Variants in CLDN14 observed in about 807,000 individuals in gnomAD.
CLDN14 encodes the protein claudin-14.
CLDN14 carries 2 observed loss-of-function variants against 2.1 expected under a neutral mutation model. The ratio of observed to expected loss-of-function variants is 0.96; its 90% confidence interval spans 0.39 to 3.01. CLDN14 has a LOEUF of 3.01. Ranked by LOEUF, CLDN14 falls within the 30% of genes most tolerant of loss-of-function variation. The probability of loss-of-function intolerance (pLI) is 0.09; values close to 1 mark genes in which losing one functional copy is unlikely to be tolerated. For synonymous variants in CLDN14, 136 were observed against 154.4 expected (o/e 0.88, Z 0.88); for missense variants, 298 against 328.0 (o/e 0.91, Z 0.71).
intron 1 of CLDN14, among the ~76,000 whole-genome samples, chr21:36,559,739 TA>T (rs1464458274): frequency 6.6e-6 from 1 of 152,244 alleles, no homozygotes; most frequent in East Asian, 1.9e-4. Flanking sequence ...TAACTGCATT[TA>T]AAAACTAAAA....
chr21:36,464,052 A>C (rs1601590847), intron 1 of CLDN14, among the ~76,000 whole-genome samples: 1 of 152,206 alleles, frequency 6.6e-6, no homozygotes, highest in East Asian at 1.9e-4. Flanking sequence ...GTGTTGGAGG[A>C]AGGGCCTGGT....
At position 36,529,819 on chromosome 21, in the gene CLDN14, T is replaced by C. The variant is rs548004090; in HGVS notation, c.-219-19319A>G. Among the ~76,000 whole-genome samples, 10 of 152,366 alleles carry C rather than the reference T, an allele frequency of 6.6e-5. No individual in the cohort carries two copies. In the South Asian group the frequency reaches 1.5e-3, roughly 22 times the overall value. On this transcript the variant is annotated intron_variant, in intron 1 of 2. Coordinates refer to the CLDN14 transcript ENST00000342108. ...TATTTGTTAGTCTAAAAATTAATTG[T>C]TACCTGACATATAAAATAAATGTCA...
intron 1 of CLDN14, among the ~76,000 whole-genome samples, chr21:36,550,357 T>G (rs1287134290): frequency 6.6e-6 from 1 of 152,086 alleles, no homozygotes; most frequent in African/African-American, 2.4e-5. Context: ...TTGGCTCCTC[T>G]CCCCCTGACC....
chr21:36,488,591 T>C (rs1299896996), intron 2 of CLDN14, among the ~76,000 whole-genome samples: 5 of 139,724 alleles, frequency 3.6e-5, no homozygotes, highest in Admixed American at 1.5e-4. Context: ...TTTTATGAGA[T>C]ACCTAGTATA....
intron 2 of CLDN14, chr21:36,486,331 C>T (rs772117469): frequency 1.1e-5 from 9 of 826,346 alleles, no homozygotes; most frequent in Non-Finnish European, 1.7e-5. Flanking sequence ...AGCAGGACCT[C>T]GTCTGAGCCT....
chr21:36,537,651 C>CTTTTTTTTTTTTTTTTTTTTTTTTTTTT, intron 1 of CLDN14, among the ~76,000 whole-genome samples: 1 of 143,606 alleles, frequency 7.0e-6, no homozygotes, highest in Non-Finnish European at 1.5e-5. Context: ...TTTTTCTTTT[C>CTTTTTTTTTTTTTTTTTTTTTTTTTTTT]TTTTCTTTTT....
At chr21:36,540,974 G>C (rs1361878503) in intron 1 of CLDN14, among the ~76,000 whole-genome samples, 1 of 152,188 alleles carries the variant, frequency 6.6e-6, no homozygotes, top group South Asian at 2.1e-4. Flanking sequence ...TGGCTGTGGA[G>C]GGGGAGAGGA....
intron 2 of CLDN14, among the ~76,000 whole-genome samples, chr21:36,503,088 C>T (rs2087103583): frequency 6.6e-6 from 1 of 152,178 alleles, no homozygotes; most frequent in South Asian, 2.1e-4. Context: ...GAGTCTCACT[C>T]TTTCGCCCAG....
At chr21:36,517,625 A>C (rs1431102014) in intron 1 of CLDN14, among the ~76,000 whole-genome samples, 1 of 152,210 alleles carries the variant, frequency 6.6e-6, no homozygotes, top group Non-Finnish European at 1.5e-5. Flanking sequence ...GGGACTAAAA[A>C]TGTTAAATTT....
intron 1 of CLDN14, among the ~76,000 whole-genome samples, chr21:36,524,707 A>G (rs1879893225): frequency 1.3e-5 from 2 of 152,162 alleles, no homozygotes; most frequent in South Asian, 4.1e-4. Context: ...TGTCACATTC[A>G]GAGACAGCCA....
At chr21:36,539,847 CAG>C (rs980310139) in intron 1 of CLDN14, among the ~76,000 whole-genome samples, 2 of 138,094 alleles carry the variant, frequency 1.4e-5, no homozygotes, top group African/African-American at 5.5e-5. Flanking sequence ...AGTGTGTGTG[CAG>C]AGTGAGTGTG....
At position 36,460,641 on chromosome 21, in the gene CLDN14, G is replaced by T. The variant is rs185515617; in HGVS notation, c.*335C>A. 4.8e-4 allele frequency: 132 copies of T among 275,796 alleles called. No individual in the cohort carries two copies. Among genetic ancestry groups the T allele is most frequent in the Non-Finnish European group, 7.5e-4 (107 of 141,848 alleles). 17.1% of individuals were successfully genotyped at this position (275,796 alleles called of 1,614,324 possible). A position where few individuals can be genotyped will look rare whatever the true frequency, so the allele number is the denominator to read the frequency against. On this transcript the variant is annotated 3_prime_UTR_variant, in exon 2 of 2. Coordinates refer to ENST00000399135, the MANE Select transcript of CLDN14 (RefSeq NM_001146079.2). This position sits in a 1 kb window ranked among gnomAD's most constrained non-coding sequence, Gnocchi z 4.0. ...GTCCATTTCATAAACAGCCACATCCGCAAGGTTTATTCCTGGATCACAAAC... is the reference window on the plus strand; with the variant it reads ...GTCCATTTCATAAACAGCCACATCCTCAAGGTTTATTCCTGGATCACAAAC...
chr21:36,486,748 T>C, intron 2 of CLDN14: 1 of 947,712 alleles, frequency 1.1e-6, no homozygotes, highest in Non-Finnish European at 1.7e-6. Flanking sequence ...TCTCATTGCC[T>C]TTGGGCTTCC....
chr21:36,551,835 T>A lies in CLDN14; in HGVS notation c.-220+24576A>T, dbSNP rs2087565304. 6.6e-6 allele frequency among the ~76,000 whole-genome samples: 1 copy of A among 152,152 alleles called. No homozygotes were observed. Among genetic ancestry groups the A allele is most frequent in the Non-Finnish European group, 1.5e-5 (1 of 68,022 alleles). Reference sequence around the variant, plus strand: ...CAGCAACTCATTGCAACTGCTCCTGTCCTGTCGGTCGAGAGGAGAGTGCAG... The same window carrying A: ...CAGCAACTCATTGCAACTGCTCCTGACCTGTCGGTCGAGAGGAGAGTGCAG... On this transcript the variant is annotated intron_variant, in intron 1 of 2. Transcript: ENST00000342108. This position sits in a 1 kb window ranked among gnomAD's most constrained non-coding sequence, Gnocchi z 4.8.
At chr21:36,464,392 G>GC (rs1386810044) in intron 1 of CLDN14, among the ~76,000 whole-genome samples, 1 of 152,168 alleles carries the variant, frequency 6.6e-6, no homozygotes, top group Non-Finnish European at 1.5e-5. Context: ...TTCTGCTGCT[G>GC]TTTTTCTGCT....
chr21:36,487,007 C>T, intron 2 of CLDN14: 1 of 322,814 alleles, frequency 3.1e-6, no homozygotes, highest in Admixed American at 4.3e-5. Context: ...TTTTTTGAGA[C>T]TGAGTCTTGC....
chr21:36,563,725 T>A (rs2146525396), intron 1 of CLDN14, among the ~76,000 whole-genome samples: 1 of 152,220 alleles, frequency 6.6e-6, no homozygotes, highest in Middle Eastern at 3.4e-3. Flanking sequence ...GTGGGGATAG[T>A]GGAGATGCGA....
At chr21:36,515,814 T>A in intron 1 of CLDN14, among the ~76,000 whole-genome samples, 1 of 86,610 alleles carries the variant, frequency 1.2e-5, no homozygotes, top group South Asian at 4.0e-4. Flanking sequence ...TGAGACAGAG[T>A]CTCACTCTGT....
intron 1 of CLDN14, among the ~76,000 whole-genome samples, chr21:36,568,060 G>A (rs1212164971): frequency 6.6e-6 from 1 of 152,164 alleles, no homozygotes; most frequent in East Asian, 1.9e-4. Flanking sequence ...ATGGTTCGGA[G>A]AAGCGCTCTG....
Sources: allele counts gnomAD v4.1 joint callset (sites outside exome capture counted in the v4.1 genomes callset), GRCh38; gene constraint gnomAD v4.1.1; non-coding constraint Gnocchi (gnomAD v3.1); transcripts MANE v1.5; gene names NCBI Gene and HGNC (gene_info 2026-07-23, HGNC 2026-07-21).